HIBADH: variants seen among roughly 807,000 people sequenced by gnomAD.
The protein encoded by HIBADH is 3-hydroxyisobutyrate dehydrogenase, mitochondrial.
Under a neutral mutation model 36.1 loss-of-function variants are expected in HIBADH, and 25 were observed. That is an observed-to-expected ratio of 0.69 (90% CI 0.50 to 0.97). The LOEUF (loss-of-function observed/expected upper bound fraction) is 0.97, where lower values mean the gene tolerates loss of function less well. Among genes scored for constraint, HIBADH ranks in the 50% least tolerant of loss-of-function variants. The pLI, the probability that HIBADH is intolerant of heterozygous loss-of-function variation, is 0.00. For synonymous variants in HIBADH, 160 were observed against 149.5 expected, an observed-to-expected ratio of 1.07 and a Z score of -0.51; for missense variants, 421 against 418.0, an observed-to-expected ratio of 1.01 and a Z score of -0.06.
At chr7:27,598,032 C>G (rs984836710) in intron 4 of HIBADH, among the ~76,000 whole-genome samples, 1 of 152,162 alleles carries the variant, frequency 6.6e-6, no homozygotes, top group Non-Finnish European at 1.5e-5. Context: ...GAATCTCCTA[C>G]TTGTTTTTAG....
At chr7:27,647,597 C>T (rs1786094624) in intron 2 of HIBADH, 1 of 216,518 alleles carries the variant, frequency 4.6e-6, no homozygotes, top group Non-Finnish European at 1.1e-5. Context: ...ATTCTTTTCT[C>T]TCCCTTTCAA....
intron 4 of HIBADH, among the ~76,000 whole-genome samples, chr7:27,621,197 T>C (rs1198608162): frequency 2.0e-5 from 3 of 152,054 alleles, no homozygotes; most frequent in Non-Finnish European, 4.4e-5. Flanking sequence ...TCCAAATATA[T>C]ATGCACCCAA....
intron 7 of HIBADH, among the ~76,000 whole-genome samples, chr7:27,529,497 T>C (rs1484730682): frequency 1.3e-5 from 2 of 152,142 alleles, no homozygotes; most frequent in Admixed American, 6.5e-5. Context: ...AAGACTTCAA[T>C]GGAGAAAGTC....
chr7:27,592,023 T>C (rs543689504), intron 4 of HIBADH, among the ~76,000 whole-genome samples: 17 of 152,314 alleles, frequency 1.1e-4, no homozygotes, highest in South Asian at 4.2e-4. Flanking sequence ...AGCAAAAACA[T>C]TGTGTTATTT....
Position 27,637,099 on chromosome 7 carries a change from ACAGCAG to A in HIBADH, c.253-4660_253-4655del, listed in dbSNP as rs758231031. Among the ~76,000 whole-genome samples the A allele has an allele frequency of 2.0e-5, 3 of 152,170 alleles. No homozygotes were observed. In the East Asian group the frequency reaches 5.8e-4, roughly 29 times the overall value. ...GGAGAAATATGGCATAGATACAGTA[ACAGCAG>A]CAGCAGCAGTAATAGTAGTAGCAGC... On this transcript the variant is annotated intron_variant, in intron 2 of 7. Transcript: ENST00000265395.
chr7:27,618,315 C>T (rs1170795335), intron 4 of HIBADH, among the ~76,000 whole-genome samples: 1 of 152,222 alleles, frequency 6.6e-6, no homozygotes, highest in Non-Finnish European at 1.5e-5. Context: ...AGGGCCCATA[C>T]ACCACTCTGT....
At position 27,526,121 on chromosome 7, in the gene HIBADH, C is replaced by A; in HGVS notation, c.*93G>T. On this transcript the variant is annotated 3_prime_UTR_variant, in exon 8 of 8. Coordinates refer to ENST00000265395, the MANE Select transcript of HIBADH (RefSeq NM_152740.4). The stretch of plus-strand genomic sequence containing the variant: ...AGACAATCAAAAGCAGATAGGTGAC[C>A]TTTGATTAAATCCATTTACTTGTGG... 2 of 1,089,406 alleles carry A rather than the reference C, an allele frequency of 1.8e-6. No homozygotes were observed. The highest frequency in any genetic ancestry group is 2.5e-6 in the Non-Finnish European group (2 of 795,880). The allele number at this position is 1,089,406 out of a possible 1,614,324, so 67.5% of individuals were successfully genotyped here.
intron 4 of HIBADH, among the ~76,000 whole-genome samples, chr7:27,580,027 C>T (rs150701307): frequency 0.01 from 1,538 of 152,180 alleles, 8 homozygotes; most frequent in Middle Eastern, 0.027. Flanking sequence ...AGCCACACTT[C>T]TACAAATTAG....
intron 1 of HIBADH, 52 bp downstream of exon 1, chr7:27,662,646 A>G: frequency 8.8e-7 from 1 of 1,140,702 alleles, no homozygotes; most frequent in Non-Finnish European, 1.1e-6. Flanking sequence ...TCTGGACAGA[A>G]GAAGCGAGCG....
chr7:27,527,917 C>CTTTTTTTTTTTTTTTTTTTTTTTTTT lies in HIBADH; in HGVS notation c.853-1546_853-1545insAAAAAAAAAAAAAAAAAAAAAAAAAA, dbSNP rs1562609863. On this transcript the variant is annotated intron_variant, in intron 7 of 7. Transcript: ENST00000265395. The stretch of plus-strand genomic sequence containing the variant: ...AGGCATTTGCCACCACCACACCCAG[C>CTTTTTTTTTTTTTTTTTTTTTTTTTT]GTTTTTTTTTTTTTTTTTTTTTTTT... Among the ~76,000 whole-genome samples the CTTTTTTTTTTTTTTTTTTTTTTTTTT allele has an allele frequency of 2.7e-4, 21 of 77,034 alleles. 8 individuals are homozygous for CTTTTTTTTTTTTTTTTTTTTTTTTTT. The highest frequency in any genetic ancestry group is 4.4e-4 in the African/African-American group (8 of 18,314). The allele number at this position is 77,034 out of a possible 152,430, so 50.5% of individuals were successfully genotyped here.
intron 7 of HIBADH, among the ~76,000 whole-genome samples, chr7:27,528,507 T>G (rs969304328): frequency 1.3e-5 from 2 of 152,198 alleles, no homozygotes; most frequent in Non-Finnish European, 2.9e-5. Flanking sequence ...GGGAGTAAGT[T>G]TGAGTGGTCT....
chr7:27,614,218 C>G (rs1298077127), intron 4 of HIBADH, among the ~76,000 whole-genome samples: 2 of 152,096 alleles, frequency 1.3e-5, no homozygotes. Flanking sequence ...CTGAGTATTT[C>G]TCTCTTATCT....
intron 6 of HIBADH, among the ~76,000 whole-genome samples, chr7:27,536,989 C>A (rs575397412): frequency 1.3e-5 from 2 of 152,200 alleles, no homozygotes; most frequent in African/African-American, 4.8e-5. Context: ...ATTGTGTATG[C>A]CATTTATGTT....
At chr7:27,649,719 ATTT>A in intron 1 of HIBADH, 86 bp from the exon 2 acceptor site, 5 of 1,043,934 alleles carry the variant, frequency 4.8e-6, no homozygotes, top group South Asian at 2.1e-5. Context: ...CAATTGTTAG[ATTT>A]TTTTTTTTTA....
At chr7:27,528,001 G>A (rs1783936665) in intron 7 of HIBADH, among the ~76,000 whole-genome samples, 1 of 142,604 alleles carries the variant, frequency 7.0e-6, no homozygotes, top group Non-Finnish European at 1.5e-5. Context: ...AACTTCAGGT[G>A]ATACACCTGC....
intron 4 of HIBADH, among the ~76,000 whole-genome samples, chr7:27,585,054 G>C (rs922027161): frequency 1.1e-4 from 17 of 151,808 alleles, no homozygotes; most frequent in African/African-American, 4.1e-4. Context: ...GAATTACTTG[G>C]TAAATTATAT....
chr7:27,582,946 G>C lies in HIBADH; in HGVS notation c.485-39846C>G, dbSNP rs527423517. Among the ~76,000 whole-genome samples, 15 of 152,192 alleles carry C rather than the reference G, an allele frequency of 9.9e-5. No individual in the cohort carries two copies. In the South Asian group the frequency reaches 2.9e-3, roughly 29 times the overall value. On this transcript the variant is annotated intron_variant, in intron 4 of 7. Coordinates refer to ENST00000265395, the MANE Select transcript of HIBADH (RefSeq NM_152740.4). ...ACAGTACTGACCTCACAGGGCTTTTGTGAGGATTAAATGAGATGATGTCTG... is the reference window on the plus strand; with the variant it reads ...ACAGTACTGACCTCACAGGGCTTTTCTGAGGATTAAATGAGATGATGTCTG...
At chr7:27,629,663 G>C (rs1184983780) in intron 3 of HIBADH, among the ~76,000 whole-genome samples, 171 bp from the exon 4 acceptor site, 1 of 151,890 alleles carries the variant, frequency 6.6e-6, no homozygotes, top group Non-Finnish European at 1.5e-5. Flanking sequence ...TTCTTTTTGA[G>C]ACCAATTGTA....
chr7:27,635,110 G>GTGTGT lies in HIBADH; in HGVS notation c.253-2666_253-2665insACACA, dbSNP rs1251848686. On this transcript the variant is annotated intron_variant, in intron 2 of 7. Transcript: ENST00000265395. ...CATGTGTGTGTGTGTGTGTGTGTGTGTATTTGGTACATCCTAACAGTCTCT... is the reference window on the plus strand; with the variant it reads ...CATGTGTGTGTGTGTGTGTGTGTGTGTGTGTTATTTGGTACATCCTAACAGTCTCT... Among the ~76,000 whole-genome samples, 837 of 151,794 alleles carry GTGTGT rather than the reference G, an allele frequency of 5.5e-3. 12 individuals carry two copies. Among genetic ancestry groups the GTGTGT allele is most frequent in the African/African-American group, 0.019 (789 of 41,306 alleles).
Sources: gnomAD v4.1 joint callset for allele counts (sites outside exome capture counted in the v4.1 genomes callset) on GRCh38, gnomAD v4.1.1 for gene constraint, MANE v1.5 for transcripts, NCBI Gene and HGNC (gene_info 2026-07-23, HGNC 2026-07-21) for gene names.